Variants in PDE2A observed in about 807,000 individuals in gnomAD.
PDE2A encodes cGMP-dependent 3',5'-cyclic phosphodiesterase.
PDE2A carries 53 observed loss-of-function variants against 133.6 expected under a neutral mutation model. The observed-to-expected ratio is 0.40, with a 90% CI of 0.32 to 0.50. The LOEUF (loss-of-function observed/expected upper bound fraction) is 0.50. Among genes scored for constraint, PDE2A ranks in the 20% least tolerant of loss-of-function variants. The pLI is 0.73. For missense variants in PDE2A, 796 were observed against 1,232.4 expected (o/e 0.65, Z 5.30); for synonymous variants, 491 against 490.2 (o/e 1.00, Z -0.02).
At chr11:72,624,619 G>A (rs913301792) in intron 2 of PDE2A, among the ~76,000 whole-genome samples, 3 of 152,176 alleles carry the variant, frequency 2.0e-5, no homozygotes, top group African/African-American at 4.8e-5. Context: ...ATTTGCTCAC[G>A]TTTCTGTATT....
In PDE2A at chr11:72,646,942, A is replaced by G. The variant is rs376185557; in HGVS notation, c.72-4616T>C. Among the ~76,000 whole-genome samples, 6 of 152,226 alleles carry G rather than the reference A, an allele frequency of 3.9e-5. No homozygotes were observed. In the South Asian group the frequency reaches 1.2e-3, roughly 32 times the overall value. ...GTTAGATCTTTCAAGATGCAGGAAG[A>G]AAACTGCCATCCAACGAGAAGTAGC... On this transcript the variant is annotated intron_variant, in intron 1 of 30. Transcript: ENST00000334456.
In PDE2A at chr11:72,588,786, G is replaced by A. The variant is rs1856096487; in HGVS notation, c.1068C>T (p.Asp356=). The change falls in exon 13 of 31, where the codon GAC becomes GAT. Residue 356 remains aspartate, a splice_region_variant and synonymous_variant. Coordinates refer to ENST00000334456, the MANE Select transcript of PDE2A (RefSeq NM_002599.5). The stretch of plus-strand genomic sequence containing the variant: ...TGCATCATCCCACAAAGACTCACAA[G>A]TCTCCTTCTAGCTTGTTGAAGGCGC... ...LACAFNKLEG[D]LFTDEDEHVI... 6.3e-7 allele frequency: 1 copy of A among 1,594,234 alleles called. No homozygotes were observed.
chr11:72,580,945 A>C lies in PDE2A; in HGVS notation c.2074T>G (p.Ser692Ala), dbSNP rs776786274. The change falls in exon 24 of 31, where the codon TCC becomes GCC. Residue 692 changes from serine (S) to alanine (A), a missense_variant. By Grantham distance (99) the Ser-to-Ala change is moderately conservative. Around this residue, in one of 7 missense-constraint regions of PDE2A, gnomAD observed 218 missense variants for 465.9 expected, o/e 0.47. Transcript: ENST00000334456. ...EDIEIFALFI[S>A]CMCHDLDHRG... ...TGGTCCAGGTCATGACACATGCAGG[A>C]AATAAACAAGGCAAAGATCTCGATG... 6.2e-6 allele frequency: 10 copies of C among 1,613,506 alleles called. No homozygotes were observed. The highest frequency in any genetic ancestry group is 3.3e-4 in the Middle Eastern group (2 of 6,084).
intron 1 of PDE2A, among the ~76,000 whole-genome samples, chr11:72,662,180 T>A (rs552513472): frequency 6.6e-6 from 1 of 152,164 alleles, no homozygotes; most frequent in African/African-American, 2.4e-5. Flanking sequence ...TGGGATCCAG[T>A]TGCACACAGT....
intron 2 of PDE2A, among the ~76,000 whole-genome samples, chr11:72,637,238 T>C (rs1858741449): frequency 6.6e-6 from 1 of 152,160 alleles, no homozygotes; most frequent in South Asian, 2.1e-4. Flanking sequence ...TTTATCTCCC[T>C]CGTTGCCCTC....
intron 2 of PDE2A, among the ~76,000 whole-genome samples, chr11:72,634,179 G>GCGGGTGGCAGAGTCA: frequency 6.6e-6 from 1 of 152,154 alleles, no homozygotes; most frequent in East Asian, 1.9e-4. Context: ...GCAGGAGGAA[G>GCGGGTGGCAGAGTCA]CGGGTGGCAG....
Position 72,586,151 on chromosome 11 carries a change from CTGGAT to C in PDE2A, c.1096_1100del (p.Ile366AlafsTer25). On this transcript the variant is annotated frameshift_variant, in exon 14 of 31. Transcript: ENST00000334456. LOFTEE classifies it high-confidence loss of function. ...CGGTGCTGGTGTAGTGGAAGCAGTG[CTGGAT>C]CACATGCTCGTCCTCGTCGGTGAAC... 1 of 1,612,782 alleles carries C rather than the reference CTGGAT, an allele frequency of 6.2e-7. No individual in the cohort carries two copies. The highest frequency in any genetic ancestry group is 1.1e-5 in the South Asian group (1 of 90,760).
chr11:72,622,037 A>G (rs1857798712), intron 2 of PDE2A, among the ~76,000 whole-genome samples: 2 of 152,232 alleles, frequency 1.3e-5, no homozygotes, highest in Admixed American at 1.3e-4. Flanking sequence ...TGGGCAAAGG[A>G]CTTGAATCAA....
intron 6 of PDE2A, among the ~76,000 whole-genome samples, chr11:72,595,071 G>GC (rs1194258790): frequency 6.7e-6 from 1 of 149,676 alleles, no homozygotes; most frequent in Admixed American, 6.6e-5. Flanking sequence ...CACACACATT[G>GC]GCCTCTGGCC....
At chr11:72,615,211 G>A (rs534959683) in intron 2 of PDE2A, 39 of 380,676 alleles carry the variant, frequency 1.0e-4, no homozygotes, top group East Asian at 2.9e-4. Context: ...CCCTTCCAGC[G>A]CCCACAACCA....
At chr11:72,638,605 C>G (rs1365521594) in intron 2 of PDE2A, among the ~76,000 whole-genome samples, 1 of 152,214 alleles carries the variant, frequency 6.6e-6, no homozygotes, top group Non-Finnish European at 1.5e-5. Flanking sequence ...TTGGCCACCA[C>G]CATGACCCCG....
At position 72,664,364 on chromosome 11, in the gene PDE2A, A is replaced by ATTTTTTTTTTTTTTTTTTT. The variant is rs34217943; in HGVS notation, c.71+9754_71+9772dup. 3.7e-4 allele frequency among the ~76,000 whole-genome samples: 26 copies of ATTTTTTTTTTTTTTTTTTT among 70,104 alleles called. 4 individuals are homozygous for ATTTTTTTTTTTTTTTTTTT. Among genetic ancestry groups the ATTTTTTTTTTTTTTTTTTT allele is most frequent in the African/African-American group, 1.4e-3 (24 of 16,584 alleles). The allele number at this position is 70,104 out of a possible 152,430, so 46.0% of individuals were successfully genotyped here. ...CAAAATAGGGCTAGCCCCTTGAAGGATTTTTTTTTTTTTTTTTTTTTTTTT... is the reference window on the plus strand; with the variant it reads ...CAAAATAGGGCTAGCCCCTTGAAGGATTTTTTTTTTTTTTTTTTTTTTTTTTTTTTTTTTTTTTTTTTTT... On this transcript the variant is annotated intron_variant, in intron 1 of 30. Transcript: ENST00000334456.
At chr11:72,585,342 C>T (rs780121894) in intron 16 of PDE2A, 29 bp downstream of exon 16, 4 of 1,598,614 alleles carry the variant, frequency 2.5e-6, no homozygotes, top group Admixed American at 1.7e-5. Context: ...CAGCCTCTCT[C>T]GCCCTGTCCC....
intron 2 of PDE2A, among the ~76,000 whole-genome samples, chr11:72,631,414 T>C (rs1366370860): frequency 6.6e-6 from 1 of 152,102 alleles, no homozygotes; most frequent in Non-Finnish European, 1.5e-5. Flanking sequence ...AATGACCACC[T>C]CTTTACTCTT....
intron 16 of PDE2A, 105 bp downstream of exon 16, chr11:72,585,266 T>G (rs1444406286): frequency 3.2e-6 from 3 of 932,266 alleles, no homozygotes; most frequent in Non-Finnish European, 5.2e-6. Context: ...GGTGATGAAG[T>G]CCCGCAGAAG....
chr11:72,627,959 C>T (rs1423816697), intron 2 of PDE2A, among the ~76,000 whole-genome samples: 1 of 152,246 alleles, frequency 6.6e-6, no homozygotes, highest in Admixed American at 6.5e-5. Flanking sequence ...AAGTCAGCTG[C>T]TGGCACAGGG....
At chr11:72,656,246 A>T (rs1854898599) in intron 1 of PDE2A, among the ~76,000 whole-genome samples, 1 of 152,140 alleles carries the variant, frequency 6.6e-6, no homozygotes, top group South Asian at 2.1e-4. Context: ...AGTCACTGTT[A>T]CCTCGGGACC....
intron 2 of PDE2A, among the ~76,000 whole-genome samples, chr11:72,640,594 C>T (rs577406605): frequency 6.6e-6 from 1 of 152,270 alleles, no homozygotes; most frequent in African/African-American, 2.4e-5. Flanking sequence ...CCAGGATGTG[C>T]CATAGTGACT....
In PDE2A at chr11:72,586,136, G is replaced by A; in HGVS notation, c.1116C>T (p.Tyr372=). 6.2e-7 allele frequency: 1 copy of A among 1,613,284 alleles called. No individual in the cohort carries two copies. The highest frequency in any genetic ancestry group is 8.5e-7 in the Non-Finnish European group (1 of 1,179,604). The change falls in exon 14 of 31, where the codon TAC becomes TAT. Residue 372 remains tyrosine, a synonymous_variant. Transcript: ENST00000334456. ...DEHVIQHCFH[Y]TSTVLTSTLA... is the part of the protein sequence containing the mutation. Reference sequence around the variant, plus strand: ...GGGTGCTGGTGAGCACGGTGCTGGTGTAGTGGAAGCAGTGCTGGATCACAT... The same window carrying A: ...GGGTGCTGGTGAGCACGGTGCTGGTATAGTGGAAGCAGTGCTGGATCACAT...
Sources: allele counts gnomAD v4.1 joint callset (sites outside exome capture counted in the v4.1 genomes callset), GRCh38; gene constraint gnomAD v4.1.1; regional missense constraint gnomAD v4.1.1; transcripts MANE v1.5; gene names NCBI Gene and HGNC (gene_info 2026-07-23, HGNC 2026-07-21).